KDM1B: variants seen among roughly 807,000 people sequenced by gnomAD.
KDM1B encodes lysine demethylase 1B, also known as lysine-specific histone demethylase 2.
Under a neutral mutation model 107.4 loss-of-function variants are expected in KDM1B, and 63 were observed. The ratio of observed to expected loss-of-function variants is 0.59; its 90% CI spans 0.48 to 0.72. The LOEUF (loss-of-function observed/expected upper bound fraction) is 0.72. Among genes scored for constraint, KDM1B ranks in the 30% least tolerant of loss-of-function variants. The probability of loss-of-function intolerance (pLI) is 0.00; values close to 1 mark genes in which losing one functional copy is unlikely to be tolerated. For synonymous variants in KDM1B, 363 were observed against 363.9 expected, an observed-to-expected ratio of 1.00 and a Z score of 0.03; for missense variants, 749 against 1,020.8, an observed-to-expected ratio of 0.73 and a Z score of 3.63.
Position 18,181,854 on chromosome 6 carries a change from G to GA in KDM1B, c.535-3912dup, listed in dbSNP as rs373690943. On this transcript the variant is annotated intron_variant, in intron 7 of 21. Coordinates refer to ENST00000650836, the MANE Select transcript of KDM1B (RefSeq NM_001364614.2). Reference sequence around the variant, plus strand: ...TGGTCAACACCCTGCTATGAAATCAGAAAAAATAAATTATATAACACTTCC... The same window carrying GA: ...TGGTCAACACCCTGCTATGAAATCAGAAAAAAATAAATTATATAACACTTCC... 5.4e-3 allele frequency among the ~76,000 whole-genome samples: 820 copies of GA among 152,256 alleles called. 5 individuals carry two copies. Among genetic ancestry groups the GA allele is most frequent in the Middle Eastern group, 0.01 (3 of 294 alleles).
chr6:18,222,211 T>G lies in KDM1B; in HGVS notation c.*219T>G, dbSNP rs150603026. On this transcript the variant is annotated 3_prime_UTR_variant, in exon 22 of 22. Transcript: ENST00000650836. ...AGATTTAATTGCATTTTCCATAGGT[T>G]CAACTACTGCTGAAAGTCTGGATTT... 1.4e-4 allele frequency: 92 copies of G among 652,842 alleles called. No individual in the cohort carries two copies. Among genetic ancestry groups the G allele is most frequent in the African/African-American group, 1.3e-3 (72 of 56,196 alleles). 40.4% of individuals were successfully genotyped at this position (652,842 alleles called of 1,614,324 possible).
chr6:18,208,603 G>GTATATGTATATATATA, intron 17 of KDM1B, among the ~76,000 whole-genome samples: 1 of 34,916 alleles, frequency 2.9e-5, no homozygotes, highest in East Asian at 1.1e-3. Context: ...GTATGTGTAT[G>GTATATGTATATATATA]TATATATATA....
chr6:18,206,377 C>G (rs1252528301), intron 15 of KDM1B, among the ~76,000 whole-genome samples: 1 of 151,936 alleles, frequency 6.6e-6, no homozygotes, highest in Admixed American at 6.6e-5. Flanking sequence ...ATTAGCTGGG[C>G]TTAGTGGCAT....
intron 20 of KDM1B, 152 bp from the exon 21 acceptor site, chr6:18,217,581 G>T (rs1028167360): frequency 1.8e-6 from 1 of 570,592 alleles, no homozygotes; most frequent in Admixed American, 3.0e-5. Flanking sequence ...GTTTCACCGT[G>T]TTAGCCAGGA....
chr6:18,174,549 G>T (rs1785866630), intron 7 of KDM1B, among the ~76,000 whole-genome samples: 1 of 151,928 alleles, frequency 6.6e-6, no homozygotes, highest in African/African-American at 2.4e-5. Context: ...GTGAAATTTG[G>T]TGCACCCATC....
chr6:18,223,196 G>A lies in KDM1B; in HGVS notation c.*1204G>A, dbSNP rs1195480211. On this transcript the variant is annotated 3_prime_UTR_variant, in exon 22 of 22. Coordinates refer to ENST00000650836, the MANE Select transcript of KDM1B (RefSeq NM_001364614.2). Reference sequence around the variant, plus strand: ...TAATATACTGGTTTGCTTTAAAGAAGGGACTAAATATGACTTTAAAGAGAC... The same window carrying A: ...TAATATACTGGTTTGCTTTAAAGAAAGGACTAAATATGACTTTAAAGAGAC... The A allele has an allele frequency of 1.3e-5, 2 of 152,358 alleles. No homozygotes were observed. The highest frequency in any genetic ancestry group is 2.4e-5 in the African/African-American group (1 of 41,334). 9.4% of individuals were successfully genotyped at this position (152,358 alleles called of 1,614,324 possible). A position where few individuals can be genotyped will look rare whatever the true frequency, so the allele number is the denominator to read the frequency against.
Position 18,171,331 on chromosome 6 carries a change from T to G in KDM1B, c.418-32T>G, listed in dbSNP as rs758928280. 4.8e-6 allele frequency: 5 copies of G among 1,047,048 alleles called. No individual in the cohort carries two copies. In the South Asian group the frequency reaches 6.3e-5, roughly 13 times the overall value. The allele number at this position is 1,047,048 out of a possible 1,614,324, so 64.9% of individuals were successfully genotyped here. On this transcript the variant is annotated intron_variant, in intron 6 of 21. Transcript: ENST00000650836. ...AAATGGTAACTGAAGATTAGCTCAC[T>G]TGTTCATCTTGACTTGATACTTCCC...
At chr6:18,181,060 AG>A (rs1357417858) in intron 7 of KDM1B, among the ~76,000 whole-genome samples, 1 of 152,170 alleles carries the variant, frequency 6.6e-6, no homozygotes, top group Admixed American at 6.5e-5. Flanking sequence ...AATTTCTCTA[AG>A]TAGTTTTTGA....
In KDM1B at chr6:18,200,039, C is replaced by T. The variant is rs1201524290; in HGVS notation, c.1222-400C>T. 6.6e-6 allele frequency among the ~76,000 whole-genome samples: 1 copy of T among 152,110 alleles called. No homozygotes were observed. The highest frequency in any genetic ancestry group is 1.5e-5 in the Non-Finnish European group (1 of 68,010). ...GATTACAGGTGCATGCCACCACACCCGACTATGTATTTCTGGTAGAGACAG... is the reference window on the plus strand; with the variant it reads ...GATTACAGGTGCATGCCACCACACCTGACTATGTATTTCTGGTAGAGACAG... On this transcript the variant is annotated intron_variant, in intron 12 of 21. Coordinates refer to ENST00000650836, the MANE Select transcript of KDM1B (RefSeq NM_001364614.2). The surrounding 1 kb of genome is among the most constrained non-coding windows in gnomAD (Gnocchi z 4.3).
At chr6:18,161,592 C>A in intron 4 of KDM1B, 138 bp downstream of exon 4, 1 of 925,032 alleles carries the variant, frequency 1.1e-6, no homozygotes, top group Non-Finnish European at 1.6e-6. Context: ...GAGACATTGC[C>A]CAGACATTCT....
chr6:18,197,452 T>C lies in KDM1B; in HGVS notation c.1147-135T>C. On this transcript the variant is annotated intron_variant, in intron 11 of 21. Transcript: ENST00000650836. This position sits in a 1 kb window ranked among gnomAD's most constrained non-coding sequence, Gnocchi z 4.5. ...GAGTAATAAGACAAGTGCCACCACA[T>C]TCTTTAGGAAAATAACTTTCTAAGG... The C allele has an allele frequency of 1.2e-6, 1 of 820,398 alleles. No homozygotes were observed. The highest frequency in any genetic ancestry group is 2.6e-5 in the East Asian group (1 of 37,740). The allele number at this position is 820,398 out of a possible 1,614,324, so 50.8% of individuals were successfully genotyped here. A position where few individuals can be genotyped will look rare whatever the true frequency, so the allele number is the denominator to read the frequency against.
Position 18,161,376 on chromosome 6 carries a change from C to T in KDM1B, c.137C>T (p.Ser46Leu), listed in dbSNP as rs995782092. ...ACAGATGAGGATGAAGATGGTGGCTCAGAGAAGAAGTACAGGAAATGTGAA... is the reference window on the plus strand; with the variant it reads ...ACAGATGAGGATGAAGATGGTGGCTTAGAGAAGAAGTACAGGAAATGTGAA... ...ETTDEDEDGG[S>L]EKKYRKCEKA... Residue 46 changes from serine to leucine, a missense_variant, in exon 4 of 22, where the codon TCA becomes TTA. Transcript: ENST00000650836. The T allele has an allele frequency of 6.2e-7, 1 of 1,613,750 alleles. No homozygotes were observed. Among genetic ancestry groups the T allele is most frequent in the African/African-American group, 1.3e-5 (1 of 74,888 alleles).
In KDM1B at chr6:18,194,694, T is replaced by C. The variant is rs561909138; in HGVS notation, c.970-2363T>C. 7.2e-5 allele frequency among the ~76,000 whole-genome samples: 11 copies of C among 152,166 alleles called. No individual in the cohort carries two copies. In the East Asian group the frequency reaches 1.2e-3, roughly 16 times the overall value. ...ATTTTTTTTAAATGGAGACAAGGTCTTGCTATGTTGCACAGGCTGGTCTCC... is the reference window on the plus strand; with the variant it reads ...ATTTTTTTTAAATGGAGACAAGGTCCTGCTATGTTGCACAGGCTGGTCTCC... On this transcript the variant is annotated intron_variant, in intron 10 of 21. Coordinates refer to ENST00000650836, the MANE Select transcript of KDM1B (RefSeq NM_001364614.2).
At chr6:18,217,957 CAG>C in intron 21 of KDM1B, 72 bp downstream of exon 21, 14 of 1,515,004 alleles carry the variant, frequency 9.2e-6, no homozygotes, top group African/African-American at 1.4e-5. Flanking sequence ...GATATCTGCC[CAG>C]AGTTTAAAAA....
At position 18,209,251 on chromosome 6, in the gene KDM1B, G is replaced by A. The variant is rs1788641364; in HGVS notation, c.1866+1045G>A. 6.6e-6 allele frequency among the ~76,000 whole-genome samples: 1 copy of A among 152,146 alleles called. No individual in the cohort carries two copies. Among genetic ancestry groups the A allele is most frequent in the East Asian group, 1.9e-4 (1 of 5,194 alleles). On this transcript the variant is annotated intron_variant, in intron 17 of 21. Coordinates refer to ENST00000650836, the MANE Select transcript of KDM1B (RefSeq NM_001364614.2). This position sits in a 1 kb window ranked among gnomAD's most constrained non-coding sequence, Gnocchi z 4.3. ...GCCTCCTTGGGGTAGAGGGGATTTA[G>A]TAAACCTTGAAAATTTAAGTTTAGT...
Position 18,222,140 on chromosome 6 carries a change from TTCATCACTCTAAAAG to T in KDM1B, c.*149_*163del, listed in dbSNP as rs1789804449. The T allele has an allele frequency of 1.3e-6, 1 of 766,028 alleles. No individual in the cohort carries two copies. The highest frequency in any genetic ancestry group is 2.3e-6 in the Non-Finnish European group (1 of 432,600). The allele number at this position is 766,028 out of a possible 1,614,324, so 47.5% of individuals were successfully genotyped here. A position where few individuals can be genotyped will look rare whatever the true frequency, so the allele number is the denominator to read the frequency against. On this transcript the variant is annotated 3_prime_UTR_variant, in exon 22 of 22. Coordinates refer to ENST00000650836, the MANE Select transcript of KDM1B (RefSeq NM_001364614.2). ...AGGCGATATGATAATGCAAACCTAT[TTCATCACTCTAAAAG>T]CACTGACCTCAAAAAACCTTATAAG... is the stretch of plus-strand genomic sequence containing the variant.
chr6:18,187,627 A>T (rs1786960516), intron 8 of KDM1B, among the ~76,000 whole-genome samples, 165 bp from the exon 9 acceptor site: 1 of 152,156 alleles, frequency 6.6e-6, no homozygotes, highest in Admixed American at 6.5e-5. Flanking sequence ...TTGTTTCTAC[A>T]TCTGTGTGTG....
intron 10 of KDM1B, among the ~76,000 whole-genome samples, chr6:18,194,037 CT>C (rs1368633008): frequency 6.6e-6 from 1 of 152,050 alleles, no homozygotes; most frequent in Non-Finnish European, 1.5e-5. Flanking sequence ...CCAAACCCGG[CT>C]AATTTTTTTG....
In KDM1B at chr6:18,203,144, A is replaced by C. The variant is rs375610728; in HGVS notation, c.1531+1487A>C. 6.6e-6 allele frequency among the ~76,000 whole-genome samples: 1 copy of C among 152,196 alleles called. No homozygotes were observed. The highest frequency in any genetic ancestry group is 1.5e-5 in the Non-Finnish European group (1 of 68,048). On this transcript the variant is annotated intron_variant, in intron 14 of 21. Transcript: ENST00000650836. This position sits in a 1 kb window ranked among gnomAD's most constrained non-coding sequence, Gnocchi z 5.5. The stretch of plus-strand genomic sequence containing the variant: ...ACCTAGAACAAGCTGTAGGCCAGGC[A>C]TGATGGTGTGTGCCTGTAGTCCCAG...
Sources: allele counts gnomAD v4.1 joint callset (sites outside exome capture counted in the v4.1 genomes callset), GRCh38; gene constraint gnomAD v4.1.1; non-coding constraint Gnocchi (gnomAD v3.1); transcripts MANE v1.5; gene names NCBI Gene and HGNC (gene_info 2026-07-23, HGNC 2026-07-21).